CAMTA1: variants seen among roughly 807,000 people sequenced by gnomAD.
CAMTA1 encodes calmodulin-binding transcription activator 1.
In CAMTA1, 27 loss-of-function variants were observed where a neutral mutation model predicts 170.9. The ratio of observed to expected loss-of-function variants is 0.16; its 90% CI spans 0.12 to 0.22. The LOEUF (loss-of-function observed/expected upper bound fraction) is 0.22. CAMTA1 is among the 10% of genes least tolerant of loss of function. The pLI, the probability that CAMTA1 is intolerant of heterozygous loss-of-function variation, is 1.00. For synonymous variants in CAMTA1, 833 were observed against 891.5 expected (o/e 0.93, Z 1.17); for missense variants, 1,619 against 2,217.2 (o/e 0.73, Z 5.42).
At position 7,711,475 on chromosome 1, in the gene CAMTA1, T is replaced by A. The variant is rs142015406; in HGVS notation, c.2915-20973T>A. On this transcript the variant is annotated intron_variant, in intron 11 of 22. Coordinates refer to ENST00000303635, the MANE Select transcript of CAMTA1 (RefSeq NM_015215.4). ...ATAGGTTTTGGTCTTCACACTTGATTGTCATAGTCCTAAAGAAAACACCAT... is the reference window on the plus strand; with the variant it reads ...ATAGGTTTTGGTCTTCACACTTGATAGTCATAGTCCTAAAGAAAACACCAT... Among the ~76,000 whole-genome samples the A allele has an allele frequency of 2.0e-5, 3 of 152,316 alleles. No homozygotes were observed. The East Asian group carries it at 5.8e-4, about 29-fold the overall frequency.
At chr1:7,694,796 C>G (rs1387339336) in intron 11 of CAMTA1, 1 of 152,366 alleles carries the variant, frequency 6.6e-6, no homozygotes, top group East Asian at 1.9e-4. Context: ...TCCAACAAGA[C>G]CTCTCTTCCT....
At chr1:7,652,763 T>C (rs2095856024) in intron 7 of CAMTA1, among the ~76,000 whole-genome samples, 1 of 151,912 alleles carries the variant, frequency 6.6e-6, no homozygotes, top group African/African-American at 2.4e-5. Flanking sequence ...TTTTCTCCTC[T>C]GCCCACCACC....
At chr1:7,274,289 C>A (rs1442647018) in intron 5 of CAMTA1, among the ~76,000 whole-genome samples, 1 of 151,972 alleles carries the variant, frequency 6.6e-6, no homozygotes, top group Non-Finnish European at 1.5e-5. Context: ...CAAATACTAA[C>A]CATAAGAAAA....
chr1:6,950,810 C>A (rs1688358640), intron 3 of CAMTA1, among the ~76,000 whole-genome samples: 1 of 151,830 alleles, frequency 6.6e-6, no homozygotes, highest in Admixed American at 6.6e-5. Context: ...TAATGACCGA[C>A]AACTACCACT....
chr1:7,650,116 G>C (rs1338304289), intron 7 of CAMTA1, among the ~76,000 whole-genome samples: 2 of 152,160 alleles, frequency 1.3e-5, no homozygotes, highest in African/African-American at 2.4e-5. Context: ...AATCCCACTT[G>C]GTCCCCCACC....
intron 4 of CAMTA1, among the ~76,000 whole-genome samples, chr1:7,206,903 G>T (rs1381981108): frequency 2.0e-5 from 3 of 152,066 alleles, no homozygotes; most frequent in Admixed American, 2.0e-4. Context: ...TTCCCACATG[G>T]ACACAGTCTC....
intron 3 of CAMTA1, among the ~76,000 whole-genome samples, chr1:6,892,792 G>A (rs2149146870): frequency 6.6e-6 from 1 of 152,174 alleles, no homozygotes; most frequent in African/African-American, 2.4e-5. Context: ...GAGCTCATGT[G>A]CTGGTGGCTG....
intron 6 of CAMTA1, among the ~76,000 whole-genome samples, chr1:7,549,700 C>G (rs1486777648): frequency 6.6e-6 from 1 of 152,064 alleles, no homozygotes; most frequent in African/African-American, 2.4e-5. Flanking sequence ...ACAAAGACAC[C>G]TGTGGGCCGG....
intron 3 of CAMTA1, among the ~76,000 whole-genome samples, chr1:7,047,951 T>G (rs1294813556): frequency 6.6e-6 from 1 of 152,144 alleles, no homozygotes; most frequent in Non-Finnish European, 1.5e-5. Flanking sequence ...TAGTATTCAT[T>G]GACAAAGAAG....
At chr1:6,831,197 A>G (rs944653034) in intron 3 of CAMTA1, among the ~76,000 whole-genome samples, 18 of 152,330 alleles carry the variant, frequency 1.2e-4, no homozygotes, top group African/African-American at 3.1e-4. Flanking sequence ...GAAATTTTGT[A>G]CCTGTGTGTA....
intron 4 of CAMTA1, among the ~76,000 whole-genome samples, chr1:7,170,057 T>C (rs1169533376): frequency 6.6e-6 from 1 of 152,210 alleles, no homozygotes; most frequent in African/African-American, 2.4e-5. Flanking sequence ...TTTCCTACTT[T>C]CTATTCTTTG....
intron 1 of CAMTA1, among the ~76,000 whole-genome samples, chr1:6,791,978 T>C (rs1557551463): frequency 6.6e-6 from 1 of 152,028 alleles, no homozygotes; most frequent in African/African-American, 2.4e-5. Context: ...TTTTCTTTTT[T>C]TTTTTTTGAG....
intron 3 of CAMTA1, among the ~76,000 whole-genome samples, chr1:6,855,065 A>AT (rs1453277389): frequency 1.3e-5 from 2 of 152,184 alleles, no homozygotes; most frequent in Non-Finnish European, 2.9e-5. Flanking sequence ...TAAAACTGTG[A>AT]TTTTGTAGAT....
intron 6 of CAMTA1, among the ~76,000 whole-genome samples, chr1:7,523,470 T>A (rs1378294554): frequency 6.6e-6 from 1 of 152,202 alleles, no homozygotes; most frequent in Non-Finnish European, 1.5e-5. Context: ...GGTCTTCCAA[T>A]CCATGAAAAA....
chr1:6,887,724 G>GAC lies in CAMTA1; in HGVS notation c.234+62518_234+62519dup. On this transcript the variant is annotated intron_variant, in intron 3 of 22. Transcript: ENST00000303635. The surrounding 1 kb of genome is among the most constrained non-coding windows in gnomAD (Gnocchi z 4.1). ...CCACAGAGCTGGAGCCATGAGGGCT[G>GAC]ACACATTGGAATGAAAGCTGGCAGA... 1 of 1,535,238 alleles carries GAC rather than the reference G, an allele frequency of 6.5e-7. No homozygotes were observed. The highest frequency in any genetic ancestry group is 1.2e-5 in the South Asian group (1 of 84,024).
intron 11 of CAMTA1, among the ~76,000 whole-genome samples, chr1:7,713,168 A>T (rs953561713): frequency 6.6e-6 from 1 of 152,176 alleles, no homozygotes; most frequent in African/African-American, 2.4e-5. Context: ...GATGGGAGAG[A>T]GGCAATGATA....
chr1:7,047,731 T>TTC (rs1705633880), intron 3 of CAMTA1, among the ~76,000 whole-genome samples: 1 of 151,642 alleles, frequency 6.6e-6, no homozygotes, highest in African/African-American at 2.4e-5. Flanking sequence ...CTTTTTTTTT[T>TTC]TTTTTTGGAG....
chr1:7,439,325 TG>T (rs1461926423), intron 5 of CAMTA1, among the ~76,000 whole-genome samples: 1 of 152,180 alleles, frequency 6.6e-6, no homozygotes, highest in East Asian at 1.9e-4. Context: ...GCGACTCTGA[TG>T]TTCTTCGTTG....
Position 7,249,445 on chromosome 1 carries a change from TC to T in CAMTA1, c.303-45del. The T allele has an allele frequency of 6.5e-7, 1 of 1,540,768 alleles. No individual in the cohort carries two copies. Among genetic ancestry groups the T allele is most frequent in the Non-Finnish European group, 8.8e-7 (1 of 1,136,474 alleles). On this transcript the variant is annotated intron_variant, in intron 4 of 22. Transcript: ENST00000303635. The surrounding 1 kb of genome is among the most constrained non-coding windows in gnomAD (Gnocchi z 4.4). ...GATGATATCTTTCTTCATAAATTTT[TC>T]TTCTACTTGGTACTCTTGGTAACTT...
Sources: gnomAD v4.1 joint callset for allele counts (sites outside exome capture counted in the v4.1 genomes callset) on GRCh38, gnomAD v4.1.1 for gene constraint, Gnocchi (gnomAD v3.1) non-coding constraint, MANE v1.5 for transcripts, NCBI Gene and HGNC (gene_info 2026-07-23, HGNC 2026-07-21) for gene names.